LRRC74A: variants seen among roughly 807,000 people sequenced by gnomAD.
LRRC74A encodes leucine-rich repeat-containing protein 74A.
A neutral mutation model predicts 57.9 loss-of-function variants in LRRC74A; 44 were observed. The ratio of observed to expected loss-of-function variants is 0.76; its 90% CI spans 0.60 to 0.98. LRRC74A has a LOEUF of 0.98. LRRC74A is among the 50% of genes least tolerant of loss of function. The probability of loss-of-function intolerance (pLI) is 0.00; values close to 1 mark genes in which losing one functional copy is unlikely to be tolerated. For missense variants in LRRC74A, 572 were observed against 574.0 expected (o/e 1.00, Z 0.04); for synonymous variants, 211 against 219.4 (o/e 0.96, Z 0.34).
At chr14:76,860,237 C>T (rs1055878249) in intron 10 of LRRC74A, among the ~76,000 whole-genome samples, 1 of 152,202 alleles carries the variant, frequency 6.6e-6, no homozygotes, top group African/African-American at 2.4e-5. Context: ...TCCTACAAAC[C>T]AGCTCTGAGG....
At chr14:76,854,700 A>T (rs1283363893) in intron 9 of LRRC74A, among the ~76,000 whole-genome samples, 1 of 152,224 alleles carries the variant, frequency 6.6e-6, no homozygotes, top group Non-Finnish European at 1.5e-5. Flanking sequence ...GTAGAAGCCC[A>T]GTGTGCTTCT....
intron 2 of LRRC74A, 176 bp downstream of exon 2, chr14:76,828,595 A>G (rs1318593344): frequency 4.5e-6 from 4 of 897,878 alleles, no homozygotes; most frequent in Non-Finnish European, 7.1e-6. Flanking sequence ...CCGGGCTGGC[A>G]GGGGAGAGCA....
At chr14:76,864,685 C>G (rs1898631423) in intron 11 of LRRC74A, among the ~76,000 whole-genome samples, 3 of 152,092 alleles carry the variant, frequency 2.0e-5, no homozygotes, top group African/African-American at 7.2e-5. Context: ...GAAACCCCAT[C>G]TCTACTAAAA....
Position 76,828,311 on chromosome 14 carries a change from G to C in LRRC74A, c.58G>C (p.Val20Leu), listed in dbSNP as rs114437600. The C allele has an allele frequency of 1.7e-3, 2,757 of 1,605,482 alleles. 45 individuals are homozygous for C. The African/African-American group carries it at 0.033, about 19-fold the overall frequency. The change falls in exon 2 of 14, where the codon GTA (valine) becomes CTA (leucine). Residue 20 changes from valine to leucine, a missense_variant. By Grantham distance (32) the Val-to-Leu change is conservative (BLOSUM62 1). Coordinates refer to ENST00000689127, the MANE Select transcript of LRRC74A (RefSeq NM_001385106.1). The stretch of plus-strand genomic sequence containing the variant: ...TCCAGATGAGATTGAAATTGAGCCA[G>C]TACGACAGAGCAGCGATAAAATGCT... ...ETEDEIEIEP[V>L]RQSSDKMLYC...
chr14:76,860,731 C>T lies in LRRC74A; in HGVS notation c.1092C>T (p.Asp364=), dbSNP rs560661236. ...CCGAGCAGTTCATGAAAACGTTGGA[C>T]GGAGTGTATGCCGTTCACCCGCAGC... ...LVSEQFMKTL[D]GVYAVHPQLD... Residue 364 remains aspartate, a synonymous_variant, in exon 11 of 14, where the codon GAC becomes GAT. Transcript: ENST00000689127. 83 of 1,611,768 alleles carry T rather than the reference C, an allele frequency of 5.1e-5. 1 individual carries two copies. The South Asian group carries it at 7.6e-4, about 15-fold the overall frequency.
chr14:76,858,211 A>G (rs968006), intron 10 of LRRC74A, among the ~76,000 whole-genome samples: 149,738 of 152,322 alleles, frequency 0.98, 73,646 homozygotes, highest in East Asian at 1. Flanking sequence ...TCTGGAGGCT[A>G]GAAGTCCAAG....
At chr14:76,844,936 A>G (rs980974570) in intron 7 of LRRC74A, 35 bp downstream of exon 7, 4 of 1,089,912 alleles carry the variant, frequency 3.7e-6, no homozygotes, top group Non-Finnish European at 5.6e-6. Flanking sequence ...AGCAAAGGGG[A>G]GGGATAGGGA....
At chr14:76,845,378 G>A (rs1365219256) in intron 7 of LRRC74A, among the ~76,000 whole-genome samples, 1 of 151,588 alleles carries the variant, frequency 6.6e-6, no homozygotes, top group Non-Finnish European at 1.5e-5. Context: ...AGGGGAAGAG[G>A]GAGGGGGAGG....
intron 5 of LRRC74A, among the ~76,000 whole-genome samples, chr14:76,838,800 C>T (rs756614624): frequency 9.2e-5 from 14 of 152,178 alleles, no homozygotes; most frequent in Non-Finnish European, 1.8e-4. Context: ...CCCATCTCAC[C>T]ATGTTGTCCA....
chr14:76,860,969 A>C, intron 11 of LRRC74A, 130 bp downstream of exon 11: 7 of 884,562 alleles, frequency 7.9e-6, no homozygotes, highest in East Asian at 2.8e-5. Context: ...GGAATGTCTC[A>C]GTCCCTTGGA....
intron 2 of LRRC74A, chr14:76,829,062 T>G: frequency 3.1e-6 from 4 of 1,289,318 alleles, no homozygotes; most frequent in Non-Finnish European, 4.0e-6. Context: ...TTAATGCAAA[T>G]AACACCTCCA....
At position 76,844,765 on chromosome 14, in the gene LRRC74A, A is replaced by G. The variant is rs186877457; in HGVS notation, c.595-55A>G. 19 of 966,664 alleles carry G rather than the reference A, an allele frequency of 2.0e-5. No individual in the cohort carries two copies. The Admixed American group carries it at 3.4e-4, about 17-fold the overall frequency. The allele number at this position is 966,664 out of a possible 1,614,324, so 59.9% of individuals were successfully genotyped here. A position where few individuals can be genotyped will look rare whatever the true frequency, so the allele number is the denominator to read the frequency against. On this transcript the variant is annotated intron_variant, in intron 6 of 13. Coordinates refer to ENST00000689127, the MANE Select transcript of LRRC74A (RefSeq NM_001385106.1). ...ATCATACTGCCCTGAGATAAGTAAGATATTTGCAATCAGAAGACAAAAAAT... is the reference window on the plus strand; with the variant it reads ...ATCATACTGCCCTGAGATAAGTAAGGTATTTGCAATCAGAAGACAAAAAAT...
intron 2 of LRRC74A, 28 bp downstream of exon 2, chr14:76,828,447 G>C (rs1174744668): frequency 6.2e-7 from 1 of 1,613,388 alleles, no homozygotes; most frequent in Non-Finnish European, 8.5e-7. Flanking sequence ...GGGGCAGTCA[G>C]GGCAGCTTCT....
chr14:76,854,983 G>A (rs1343075338), intron 9 of LRRC74A, among the ~76,000 whole-genome samples: 1 of 152,208 alleles, frequency 6.6e-6, no homozygotes, highest in Admixed American at 6.5e-5. Flanking sequence ...GAGGCAGAGG[G>A]AAGCCTGCTG....
At chr14:76,860,918 C>A in intron 11 of LRRC74A, 79 bp downstream of exon 11, 1 of 1,311,422 alleles carries the variant, frequency 7.6e-7, no homozygotes, top group South Asian at 1.4e-5. Flanking sequence ...AGTTTCCAGA[C>A]TTCTCCCTCC....
At chr14:76,861,693 C>T (rs1259392692) in intron 11 of LRRC74A, among the ~76,000 whole-genome samples, 2 of 152,346 alleles carry the variant, frequency 1.3e-5, no homozygotes, top group South Asian at 2.1e-4. Context: ...GTTATTGCTC[C>T]TCTAGTCCCA....
intron 11 of LRRC74A, among the ~76,000 whole-genome samples, 166 bp downstream of exon 11, chr14:76,861,005 C>T (rs1409196665): frequency 2.0e-5 from 3 of 152,150 alleles, no homozygotes; most frequent in Admixed American, 6.5e-5. Context: ...GAATATTCTC[C>T]GTGGCTACCA....
intron 5 of LRRC74A, among the ~76,000 whole-genome samples, chr14:76,840,468 T>C (rs921909841): frequency 6.6e-6 from 1 of 152,208 alleles, no homozygotes; most frequent in Non-Finnish European, 1.5e-5. Context: ...AATGTAATAA[T>C]TGATCCTTTT....
At chr14:76,844,351 AG>A in intron 5 of LRRC74A, 71 bp from the exon 6 acceptor site, 1 of 1,370,226 alleles carries the variant, frequency 7.3e-7, no homozygotes, top group Non-Finnish European at 1.0e-6. Context: ...GTGGACTGGG[AG>A]GGGCAGGGGG....
Sources: gnomAD v4.1 joint callset for allele counts (sites outside exome capture counted in the v4.1 genomes callset) on GRCh38, gnomAD v4.1.1 for gene constraint, MANE v1.5 for transcripts, NCBI Gene and HGNC (gene_info 2026-07-23, HGNC 2026-07-21) for gene names.